Variants in PRR16 observed in about 807,000 individuals in gnomAD.
PRR16 encodes the protein proline rich 16.
In PRR16, 6 loss-of-function variants were observed where a neutral mutation model predicts 18.2. The observed-to-expected ratio is 0.33, with a 90% CI of 0.18 to 0.65. PRR16 has a LOEUF of 0.65. Ranked by LOEUF, PRR16 falls within the 30% of genes least tolerant of loss-of-function variation. The probability of loss-of-function intolerance (pLI) is 0.74; values close to 1 mark genes in which losing one functional copy is unlikely to be tolerated. For synonymous variants in PRR16, 151 were observed against 147.8 expected (o/e 1.02, Z -0.16); for missense variants, 412 against 376.6 (o/e 1.09, Z -0.78).
At chr5:120,617,024 C>CCAGT (rs1260383948) in intron 1 of PRR16, 6 of 695,728 alleles carry the variant, frequency 8.6e-6, no homozygotes, top group Non-Finnish European at 1.1e-5. Context: ...TGCACCATGT[C>CCAGT]CAGTCCAGTG....
the PRR16 span, among the ~76,000 whole-genome samples, chr5:120,743,383 A>T: frequency 4.1e-5 from 6 of 144,856 alleles, no homozygotes; most frequent in South Asian, 2.1e-4. Context: ...ATAGGTGATT[A>T]AAAAAAAATG....
chr5:120,704,862 T>TC, the PRR16 span, among the ~76,000 whole-genome samples: 3 of 152,314 alleles, frequency 2.0e-5, no homozygotes, highest in African/African-American at 7.2e-5. Context: ...ACGCATTTTT[T>TC]CACCATATGT....
chr5:120,728,054 GAA>G, the PRR16 span, among the ~76,000 whole-genome samples: 1 of 151,762 alleles, frequency 6.6e-6, no homozygotes, highest in Non-Finnish European at 1.5e-5. Context: ...AATATCACAT[GAA>G]AAAATTATTA....
the PRR16 span, among the ~76,000 whole-genome samples, chr5:120,730,765 T>G: frequency 1.3e-5 from 2 of 152,180 alleles, no homozygotes. Context: ...GTTGAACTGA[T>G]CAAATAGAGA....
chr5:120,492,263 TG>T (rs1750082453), intron 1 of PRR16, among the ~76,000 whole-genome samples: 1 of 19,354 alleles, frequency 5.2e-5, no homozygotes, highest in Non-Finnish European at 1.8e-4. Flanking sequence ...TGAGTGTGTG[TG>T]TGTGTGTGTG....
At chr5:120,546,248 G>GGTTATATGA (rs1561540234) in intron 1 of PRR16, among the ~76,000 whole-genome samples, 1 of 151,804 alleles carries the variant, frequency 6.6e-6, no homozygotes, top group Non-Finnish European at 1.5e-5. Context: ...AATACAGTGG[G>GGTTATATGA]AATGGTTATA....
At chr5:120,748,377 A>G in the PRR16 span, among the ~76,000 whole-genome samples, 15,744 of 152,058 alleles carry the variant, frequency 0.1, 1,031 homozygotes, top group African/African-American at 0.18. Flanking sequence ...TATTTTCCTT[A>G]CACCATTTTT....
At chr5:120,786,526 A>ATT in the PRR16 span, among the ~76,000 whole-genome samples, 1 of 121,426 alleles carries the variant, frequency 8.2e-6, no homozygotes, top group South Asian at 2.5e-4. Flanking sequence ...TAAATTGTAT[A>ATT]TTATATATAT....
chr5:120,594,308 A>T (rs973204948), intron 1 of PRR16, among the ~76,000 whole-genome samples: 1 of 152,172 alleles, frequency 6.6e-6, no homozygotes, highest in Middle Eastern at 3.4e-3. Context: ...CCTATACAGC[A>T]ACAACATCCA....
the PRR16 span, among the ~76,000 whole-genome samples, chr5:120,696,974 C>G: frequency 1.2e-3 from 17 of 13,714 alleles, no homozygotes; most frequent in Non-Finnish European, 9.1e-3. Context: ...TGACCTGAAC[C>G]AAGAAAATAA....
chr5:120,732,190 T>A, the PRR16 span, among the ~76,000 whole-genome samples: 1 of 152,206 alleles, frequency 6.6e-6, no homozygotes, highest in Non-Finnish European at 1.5e-5. Flanking sequence ...AGTAATAGTT[T>A]GGTAAGAATT....
At chr5:120,668,093 C>G (rs994878123) in intron 1 of PRR16, among the ~76,000 whole-genome samples, 1 of 152,004 alleles carries the variant, frequency 6.6e-6, no homozygotes, top group Non-Finnish European at 1.5e-5. Flanking sequence ...GAGTCTAAGT[C>G]TCTTTGTAGG....
chr5:120,470,205 A>T (rs1749224396), intron 1 of PRR16, among the ~76,000 whole-genome samples: 1 of 152,188 alleles, frequency 6.6e-6, no homozygotes, highest in African/African-American at 2.4e-5. Context: ...TAGGTCGCTG[A>T]TTCAACTCTG....
chr5:120,731,949 C>G, the PRR16 span, among the ~76,000 whole-genome samples: 2 of 152,194 alleles, frequency 1.3e-5, no homozygotes, highest in African/African-American at 4.8e-5. Context: ...GCTGGCAAGA[C>G]AGACTGGTGC....
chr5:120,541,432 C>T (rs1446887708), intron 1 of PRR16, among the ~76,000 whole-genome samples: 1 of 152,222 alleles, frequency 6.6e-6, no homozygotes, highest in African/African-American at 2.4e-5. Flanking sequence ...AGGCGTGAGC[C>T]ACTGTGCCCA....
At chr5:120,598,307 C>G (rs1753878828) in intron 1 of PRR16, among the ~76,000 whole-genome samples, 1 of 151,828 alleles carries the variant, frequency 6.6e-6, no homozygotes, top group South Asian at 2.1e-4. Flanking sequence ...TTAAAATAAA[C>G]TAATTAATTA....
At chr5:120,680,928 C>T (rs1009467571) in intron 1 of PRR16, among the ~76,000 whole-genome samples, 5 of 152,054 alleles carry the variant, frequency 3.3e-5, no homozygotes, top group Admixed American at 2.0e-4. Context: ...TATTTATTCA[C>T]CTAAGTTGGT....
At chr5:120,493,154 C>T (rs535700907) in intron 1 of PRR16, among the ~76,000 whole-genome samples, 2 of 152,248 alleles carry the variant, frequency 1.3e-5, no homozygotes, top group South Asian at 4.1e-4. Flanking sequence ...ATAGTGTTAG[C>T]ACTAATTTAC....
At chr5:120,601,167 C>T (rs898911301) in intron 1 of PRR16, among the ~76,000 whole-genome samples, 6 of 151,924 alleles carry the variant, frequency 3.9e-5, no homozygotes, top group Non-Finnish European at 7.4e-5. Context: ...TCCACAGTGG[C>T]GGAACTAATT....
Sources: allele counts gnomAD v4.1 joint callset (sites outside exome capture counted in the v4.1 genomes callset), GRCh38; gene constraint gnomAD v4.1.1; transcripts MANE v1.5; gene names NCBI Gene and HGNC (gene_info 2026-07-23, HGNC 2026-07-21).